Variants in GPC6 observed in about 807,000 individuals in gnomAD.
GPC6 encodes the protein glypican 6, also known as glypican-6.
Under a neutral mutation model 55.2 loss-of-function variants are expected in GPC6, and 14 were observed. The ratio of observed to expected loss-of-function variants is 0.25; its 90% confidence interval spans 0.17 to 0.40. The LOEUF is 0.40. GPC6 is among the 10% of genes least tolerant of loss of function. The pLI is 1.00. For missense variants in GPC6, 641 were observed against 708.5 expected (o/e 0.90, Z 1.08); for synonymous variants, 278 against 259.6 (o/e 1.07, Z -0.68).
chr13:93,925,919 G>T (rs1036158752), intron 3 of GPC6, among the ~76,000 whole-genome samples: 1 of 152,096 alleles, frequency 6.6e-6, no homozygotes, highest in African/African-American at 2.4e-5. Flanking sequence ...TTGTCCTCTC[G>T]GCTGTGATGA....
At chr13:93,714,476 C>T (rs1158495189) in intron 2 of GPC6, among the ~76,000 whole-genome samples, 2 of 151,840 alleles carry the variant, frequency 1.3e-5, no homozygotes, top group African/African-American at 4.8e-5. Flanking sequence ...TGCTTATACA[C>T]TGTTGCTGGG....
intron 1 of GPC6, among the ~76,000 whole-genome samples, chr13:93,498,151 C>G (rs1880379830): frequency 6.6e-6 from 1 of 152,142 alleles, no homozygotes; most frequent in South Asian, 2.1e-4. Context: ...ATTTGTTTCT[C>G]CTGTTCTTTC....
intron 6 of GPC6, among the ~76,000 whole-genome samples, chr13:94,313,679 C>A (rs1186529720): frequency 6.6e-6 from 1 of 152,152 alleles, no homozygotes; most frequent in East Asian, 1.9e-4. Context: ...GGAAGGGGAA[C>A]AATTTTGCAC....
chr13:94,164,226 T>A (rs972597230), intron 4 of GPC6, among the ~76,000 whole-genome samples: 1 of 152,184 alleles, frequency 6.6e-6, no homozygotes, highest in Non-Finnish European at 1.5e-5. Context: ...ATTAGTCCTG[T>A]GTTACTTACA....
chr13:93,837,188 G>A (rs1179390618), intron 3 of GPC6, among the ~76,000 whole-genome samples: 1 of 152,148 alleles, frequency 6.6e-6, no homozygotes, highest in Non-Finnish European at 1.5e-5. Context: ...TATGTTTCCA[G>A]TAACCTATGT....
At chr13:93,669,759 A>G (rs7318470) in intron 2 of GPC6, among the ~76,000 whole-genome samples, 73,827 of 151,886 alleles carry the variant, frequency 0.49, 20,632 homozygotes, top group Middle Eastern at 0.76. Flanking sequence ...TCAGGCTAAC[A>G]TTTTTGCAGG....
intron 1 of GPC6, among the ~76,000 whole-genome samples, chr13:93,309,681 C>T (rs1277471611): frequency 6.6e-6 from 1 of 151,978 alleles, no homozygotes; most frequent in Non-Finnish European, 1.5e-5. Flanking sequence ...TTTCATGAAG[C>T]CATAATTTTG....
chr13:93,665,605 T>C (rs1881098663), intron 2 of GPC6, among the ~76,000 whole-genome samples: 1 of 152,176 alleles, frequency 6.6e-6, no homozygotes, highest in Non-Finnish European at 1.5e-5. Context: ...GAATATAGCA[T>C]GCTAATAAAG....
In GPC6 at chr13:93,951,479, T is replaced by A. The variant is rs1879250829; in HGVS notation, c.712-76250T>A. ...AATGAATAAATGATGAATGAATGAA[T>A]GAATGAATGCTTAAACAAACAAAAA... On this transcript the variant is annotated intron_variant, in intron 3 of 8. Transcript: ENST00000377047. Among the ~76,000 whole-genome samples the A allele has an allele frequency of 2.0e-5, 3 of 152,194 alleles. No individual in the cohort carries two copies. In the South Asian group the frequency reaches 6.2e-4, roughly 31 times the overall value.
At chr13:94,244,871 A>C (rs1319727521) in intron 4 of GPC6, among the ~76,000 whole-genome samples, 10 of 152,220 alleles carry the variant, frequency 6.6e-5, no homozygotes, top group Admixed American at 5.2e-4. Flanking sequence ...CTTGCAAGTC[A>C]TATTTTTATT....
At chr13:93,665,376 T>C (rs1881090933) in intron 2 of GPC6, among the ~76,000 whole-genome samples, 1 of 152,208 alleles carries the variant, frequency 6.6e-6, no homozygotes, top group Non-Finnish European at 1.5e-5. Flanking sequence ...TTTGTGTTTT[T>C]AAGTGTGTGG....
chr13:94,137,203 T>G (rs187570690), intron 4 of GPC6, among the ~76,000 whole-genome samples: 1 of 152,186 alleles, frequency 6.6e-6, no homozygotes, highest in Non-Finnish European at 1.5e-5. Flanking sequence ...TATCCAGCAA[T>G]TGAATACATG....
chr13:93,976,567 G>C (rs146049089), intron 3 of GPC6, among the ~76,000 whole-genome samples: 1 of 151,262 alleles, frequency 6.6e-6, no homozygotes, highest in African/African-American at 2.4e-5. Context: ...GAAGAAATTT[G>C]AGAGATCGCT....
Position 93,654,899 on chromosome 13 carries a change from C to G in GPC6, c.319+109478C>G, listed in dbSNP as rs977565982. ...TGGCCCAGGCTGGAGTGCAGTGGCG[C>G]GATCTAGGCTCACTGCAAGCTCCGC... On this transcript the variant is annotated intron_variant, in intron 2 of 8. Transcript: ENST00000377047. Among the ~76,000 whole-genome samples, 678 of 148,280 alleles carry G rather than the reference C, an allele frequency of 4.6e-3. 8 individuals carry two copies. Among genetic ancestry groups the G allele is most frequent in the African/African-American group, 0.016 (639 of 40,108 alleles).
intron 1 of GPC6, among the ~76,000 whole-genome samples, chr13:93,345,399 T>C (rs1481540914): frequency 2.0e-5 from 3 of 152,126 alleles, no homozygotes; most frequent in Non-Finnish European, 2.9e-5. Flanking sequence ...GCTGTTGCTA[T>C]TGTAGTATTA....
intron 3 of GPC6, among the ~76,000 whole-genome samples, chr13:93,992,737 G>C (rs1015292574): frequency 6.6e-6 from 1 of 152,148 alleles, no homozygotes; most frequent in African/African-American, 2.4e-5. Flanking sequence ...ACTAATACAT[G>C]ATTCTCAGAA....
intron 3 of GPC6, among the ~76,000 whole-genome samples, chr13:93,915,385 A>G (rs1445380187): frequency 6.6e-6 from 1 of 151,862 alleles, no homozygotes; most frequent in Non-Finnish European, 1.5e-5. Context: ...CATGATAGGT[A>G]CTCTTTTCCC....
chr13:93,938,984 C>CCCA (rs1257384993), intron 3 of GPC6, among the ~76,000 whole-genome samples: 2 of 152,198 alleles, frequency 1.3e-5, no homozygotes, highest in East Asian at 3.9e-4. Flanking sequence ...TGCCTGTAGT[C>CCCA]CCACCTACTC....
rs1232742661 is a variant in GPC6, at chr13:93,495,708, G to T, written c.161-49555G>T. On this transcript the variant is annotated intron_variant, in intron 1 of 8. Coordinates refer to ENST00000377047, the MANE Select transcript of GPC6 (RefSeq NM_005708.5). The stretch of plus-strand genomic sequence containing the variant: ...GATGTACAGATGGGTTTTCGGTGTG[G>T]ATGTCCTTTCTGTTTGTTAGTATTC... 7.1e-5 allele frequency among the ~76,000 whole-genome samples: 9 copies of T among 125,930 alleles called. No homozygotes were observed. In the South Asian group the frequency reaches 1.9e-3, roughly 27 times the overall value. 82.6% of individuals were successfully genotyped at this position (125,930 alleles called of 152,430 possible). A position where few individuals can be genotyped will look rare whatever the true frequency, so the allele number is the denominator to read the frequency against.
Sources: allele counts gnomAD v4.1 joint callset (sites outside exome capture counted in the v4.1 genomes callset), GRCh38; gene constraint gnomAD v4.1.1; transcripts MANE v1.5; gene names NCBI Gene and HGNC (gene_info 2026-07-23, HGNC 2026-07-21).